Variants in FOXP1 observed in about 807,000 individuals in gnomAD.
FOXP1 encodes forkhead box protein P1.
FOXP1 carries 15 observed loss-of-function variants against 98.2 expected under a neutral mutation model. The observed-to-expected ratio is 0.15, with a 90% CI of 0.10 to 0.24. The LOEUF is 0.24. Among genes scored for constraint, FOXP1 ranks in the 10% least tolerant of loss-of-function variants. The pLI is 1.00. For synonymous variants in FOXP1, 371 were observed against 314.5 expected (o/e 1.18, Z -1.90); for missense variants, 633 against 848.5 (o/e 0.75, Z 3.15).
At chr3:71,007,392 C>T (rs1444751246) in intron 12 of FOXP1, among the ~76,000 whole-genome samples, 1 of 152,142 alleles carries the variant, frequency 6.6e-6, no homozygotes, top group East Asian at 1.9e-4. Context: ...CACTGCAGAA[C>T]ATTCAGGCGT....
intron 2 of FOXP1, among the ~76,000 whole-genome samples, chr3:71,512,503 G>T (rs1158297323): frequency 6.6e-6 from 1 of 152,114 alleles, no homozygotes; most frequent in Admixed American, 6.5e-5. Flanking sequence ...TTCCTGAAGA[G>T]TCTATTTTTC....
intron 5 of FOXP1, among the ~76,000 whole-genome samples, chr3:71,222,731 T>C (rs2065496076): frequency 6.6e-6 from 1 of 152,220 alleles, no homozygotes; most frequent in Non-Finnish European, 1.5e-5. Context: ...CCATTCGCTG[T>C]TGGTGTTCCT....
intron 3 of FOXP1, among the ~76,000 whole-genome samples, chr3:71,466,870 G>T (rs1054639638): frequency 1.3e-5 from 2 of 152,232 alleles, no homozygotes; most frequent in Non-Finnish European, 2.9e-5. Flanking sequence ...TGCCAGGAAT[G>T]ATGACATCTG....
rs557669461 is a variant in FOXP1 at position 71,023,849 on chromosome 3, G to A, written c.870-8196C>T. ...GAAATATTTGATCATTAGCTCGAAT[G>A]AAATATGCTCAGTCACACAAAATGA... On this transcript the variant is annotated intron_variant, in intron 11 of 20. Coordinates refer to ENST00000649528, the MANE Select transcript of FOXP1 (RefSeq NM_001349338.3). Among the ~76,000 whole-genome samples, 2 of 152,288 alleles carry A rather than the reference G, an allele frequency of 1.3e-5. 1 individual carries two copies. The highest frequency in any genetic ancestry group is 3.9e-4 in the East Asian group (2 of 5,188).
At chr3:71,398,083 A>G (rs1406352480) in intron 3 of FOXP1, among the ~76,000 whole-genome samples, 3 of 152,154 alleles carry the variant, frequency 2.0e-5, no homozygotes, top group Non-Finnish European at 2.9e-5. Context: ...AAGCTTGAAA[A>G]CACTCTTCGT....
chr3:71,460,079 G>A (rs1234051535), intron 3 of FOXP1, among the ~76,000 whole-genome samples: 1 of 150,958 alleles, frequency 6.6e-6, no homozygotes, highest in Non-Finnish European at 1.5e-5. Context: ...GACTACAGGC[G>A]CCCACCACCA....
chr3:71,228,527 T>C (rs970702729), intron 5 of FOXP1, among the ~76,000 whole-genome samples: 12 of 152,214 alleles, frequency 7.9e-5, no homozygotes, highest in African/African-American at 2.7e-4. Flanking sequence ...GTCAGGAAGA[T>C]GCGTCCCACT....
chr3:71,361,846 T>A (rs1298846446), intron 3 of FOXP1, among the ~76,000 whole-genome samples: 1 of 152,208 alleles, frequency 6.6e-6, no homozygotes, highest in East Asian at 1.9e-4. Context: ...GGTCACTGAT[T>A]AAAATGTGTT....
chr3:71,128,481 T>C (rs1261314875), intron 6 of FOXP1, among the ~76,000 whole-genome samples: 1 of 152,098 alleles, frequency 6.6e-6, no homozygotes, highest in Non-Finnish European at 1.5e-5. Flanking sequence ...ATAAGTAGAC[T>C]CTCTGTATTA....
At chr3:71,083,090 T>C (rs2054625155) in intron 7 of FOXP1, among the ~76,000 whole-genome samples, 1 of 152,132 alleles carries the variant, frequency 6.6e-6, no homozygotes, top group Non-Finnish European at 1.5e-5. Context: ...TGAATATATG[T>C]CCCCACCAAA....
intron 2 of FOXP1, among the ~76,000 whole-genome samples, chr3:71,537,919 G>A (rs2044439998): frequency 6.6e-6 from 1 of 152,160 alleles, no homozygotes; most frequent in African/African-American, 2.4e-5. Flanking sequence ...TGAAATTTCG[G>A]TATTCATAAA....
chr3:71,514,246 C>T (rs562421559), intron 2 of FOXP1, among the ~76,000 whole-genome samples: 2 of 152,296 alleles, frequency 1.3e-5, no homozygotes, highest in South Asian at 4.1e-4. Flanking sequence ...GTTCCCTCTG[C>T]CTGGAATGTT....
intron 5 of FOXP1, among the ~76,000 whole-genome samples, chr3:71,216,734 A>G (rs2064963513): frequency 6.6e-6 from 1 of 152,174 alleles, no homozygotes. Context: ...GTATGAGGGA[A>G]AAGGATACAC....
At position 71,000,952 on chromosome 3, in the gene FOXP1, A is replaced by G. The variant is rs1300078075; in HGVS notation, c.1062+20T>C. 1.3e-6 allele frequency: 2 copies of G among 1,541,756 alleles called. No individual in the cohort carries two copies. The highest frequency in any genetic ancestry group is 1.8e-6 in the Non-Finnish European group (2 of 1,114,166). On this transcript the variant is annotated intron_variant, in intron 13 of 20. Coordinates refer to ENST00000649528, the MANE Select transcript of FOXP1 (RefSeq NM_001349338.3). ...TTTGAGGCATACTGAGGTTAATATT[A>G]AAAATAAATGTGGTTTTACCTGTAG...
chr3:71,383,390 T>C (rs1436626482), intron 3 of FOXP1, among the ~76,000 whole-genome samples: 1 of 152,102 alleles, frequency 6.6e-6, no homozygotes, highest in Non-Finnish European at 1.5e-5. Context: ...AGGCTGAGAT[T>C]TTGGTTTTGG....
chr3:71,583,201 G>A (rs2048327205), intron 1 of FOXP1, among the ~76,000 whole-genome samples: 1 of 152,010 alleles, frequency 6.6e-6, no homozygotes, highest in Non-Finnish European at 1.5e-5. Flanking sequence ...GCGTGAAGGG[G>A]CCTACGGGCA....
chr3:71,177,839 TC>T (rs1450047649), intron 6 of FOXP1, among the ~76,000 whole-genome samples: 26 of 111,722 alleles, frequency 2.3e-4, no homozygotes, highest in Middle Eastern at 5.2e-3. Context: ...TTTCTTTCTT[TC>T]TTTTTTTTTT....
chr3:71,329,749 G>T (rs1178309315), intron 4 of FOXP1: 1 of 152,172 alleles, frequency 6.6e-6, no homozygotes, highest in Non-Finnish European at 1.5e-5. Context: ...GAGTTACAGG[G>T]AAATGTCTAG....
chr3:71,273,859 T>A (rs1339900862), intron 5 of FOXP1, among the ~76,000 whole-genome samples: 1 of 152,158 alleles, frequency 6.6e-6, no homozygotes, highest in Non-Finnish European at 1.5e-5. Context: ...GGCTACAAAA[T>A]GAGAAGAGGG....
Sources: gnomAD v4.1 joint callset for allele counts (sites outside exome capture counted in the v4.1 genomes callset) on GRCh38, gnomAD v4.1.1 for gene constraint, MANE v1.5 for transcripts, NCBI Gene and HGNC (gene_info 2026-07-23, HGNC 2026-07-21) for gene names.